MAP3K1: variants seen among roughly 807,000 people sequenced by gnomAD.
The protein encoded by MAP3K1 is MAP/ERK kinase kinase 1.
MAP3K1 carries 36 observed loss-of-function variants against 144.2 expected under a neutral mutation model. The observed-to-expected ratio is 0.25, with a 90% confidence interval of 0.19 to 0.33. The LOEUF (loss-of-function observed/expected upper bound fraction) is 0.33. Ranked by LOEUF, MAP3K1 falls within the 10% of genes least tolerant of loss-of-function variation. MAP3K1 has a pLI of 1.00. For missense variants in MAP3K1, 1,650 were observed against 1,881.9 expected (o/e 0.88, Z 2.28); for synonymous variants, 718 against 688.7 (o/e 1.04, Z -0.67).
chr5:56,832,796 G>A (rs1442371832), intron 1 of MAP3K1, among the ~76,000 whole-genome samples: 1 of 152,180 alleles, frequency 6.6e-6, no homozygotes, highest in Admixed American at 6.5e-5. Context: ...ATGTAGTGAT[G>A]ACTTTTTAAA....
rs762437753 is a variant in MAP3K1 at position 56,885,910 on chromosome 5, A to G, written c.3983-22A>G. ...TTTAATTCTGTCTTAAGTTTATGAT[A>G]ATTATTTCTATTGTCTTATAGGGGG... On this transcript the variant is annotated intron_variant, in intron 16 of 19. Transcript: ENST00000399503. The G allele has an allele frequency of 1.9e-6, 3 of 1,607,770 alleles. No homozygotes were observed. In the Admixed American group the frequency reaches 5.0e-5, roughly 27 times the overall value.
chr5:56,822,550 C>T (rs1374702075), intron 1 of MAP3K1, among the ~76,000 whole-genome samples: 1 of 152,298 alleles, frequency 6.6e-6, no homozygotes, highest in East Asian at 1.9e-4. Flanking sequence ...TTAACCATGA[C>T]ACTTCTTCCG....
intron 6 of MAP3K1, among the ~76,000 whole-genome samples, chr5:56,868,389 C>CT (rs1401541568): frequency 1.3e-5 from 2 of 151,918 alleles, no homozygotes; most frequent in African/African-American, 4.8e-5. Context: ...TTCTTTCTTT[C>CT]TTTTCTCTTT....
At chr5:56,817,549 G>A (rs1344833308) in intron 1 of MAP3K1, among the ~76,000 whole-genome samples, 2 of 152,188 alleles carry the variant, frequency 1.3e-5, no homozygotes, top group East Asian at 3.8e-4. Context: ...GACCAAAGGA[G>A]ATTTGTGACT....
intron 14 of MAP3K1, 119 bp downstream of exon 14, chr5:56,882,985 T>C: frequency 2.6e-6 from 2 of 781,932 alleles, no homozygotes; most frequent in Non-Finnish European, 4.1e-6. Context: ...GCACAGGAGT[T>C]CGAAACTAGC....
chr5:56,864,616 G>A (rs12657005), intron 3 of MAP3K1, 118 bp from the exon 4 acceptor site: 404 of 987,888 alleles, frequency 4.1e-4, no homozygotes, highest in Non-Finnish European at 3.2e-4. Context: ...CTCATGATCC[G>A]CCCTCCTCGG....
At position 56,864,722 on chromosome 5, in the gene MAP3K1, A is replaced by C; in HGVS notation, c.835-12A>C. The stretch of plus-strand genomic sequence containing the variant: ...ATGAGAAACGTACCTAATAAAAAAA[A>C]ATGTTGTGAAGTTTCAGAGTGGCAG... On this transcript the variant is annotated splice_polypyrimidine_tract_variant and intron_variant, in intron 3 of 19. Transcript: ENST00000399503. 6.2e-7 allele frequency: 1 copy of C among 1,613,922 alleles called. No homozygotes were observed. Among genetic ancestry groups the C allele is most frequent in the Non-Finnish European group, 8.5e-7 (1 of 1,179,856 alleles).
intron 1 of MAP3K1, among the ~76,000 whole-genome samples, chr5:56,828,169 T>A (rs1354411250): frequency 6.6e-6 from 1 of 152,140 alleles, no homozygotes; most frequent in African/African-American, 2.4e-5. Context: ...AGATAATACA[T>A]CATCTTGATA....
At chr5:56,835,698 G>C (rs1746633227) in intron 1 of MAP3K1, among the ~76,000 whole-genome samples, 1 of 151,850 alleles carries the variant, frequency 6.6e-6, no homozygotes, top group Admixed American at 6.6e-5. Flanking sequence ...TTTGGGGTTT[G>C]GTGGTTTTTT....
In MAP3K1 at chr5:56,873,005, G is replaced by A. The variant is rs1429094707; in HGVS notation, c.1686G>A (p.Gln562=). The change falls in exon 9 of 20, where the codon CAG becomes CAA. Residue 562 remains glutamine (Q), a splice_region_variant and synonymous_variant. Transcript: ENST00000399503. ...AYKDLAEPWI[Q]VFGMELVGCL... is the part of the protein sequence containing the mutation. ...AAGATTTAGCTGAGCCATGGATTCA[G>A]GTAAGTAGTTCTTTGTTTTTCATTT... 6.2e-7 allele frequency: 1 copy of A among 1,613,154 alleles called. No individual in the cohort carries two copies. The highest frequency in any genetic ancestry group is 2.2e-5 in the East Asian group (1 of 44,836).
At chr5:56,873,058 AT>A in intron 9 of MAP3K1, 53 bp downstream of exon 9, 2 of 1,503,934 alleles carry the variant, frequency 1.3e-6, no homozygotes, top group Non-Finnish European at 1.8e-6. Context: ...AGATCAATTA[AT>A]GTATTTGTCT....
chr5:56,855,989 A>C (rs901708729), intron 1 of MAP3K1, among the ~76,000 whole-genome samples: 1 of 152,152 alleles, frequency 6.6e-6, no homozygotes, highest in East Asian at 1.9e-4. Context: ...AGATTGTTTT[A>C]TTCTGGTAAA....
intron 1 of MAP3K1, among the ~76,000 whole-genome samples, chr5:56,824,946 TA>T (rs1339327623): frequency 1.3e-5 from 2 of 151,254 alleles, no homozygotes; most frequent in Admixed American, 6.6e-5. Context: ...AAAAAATTTT[TA>T]TTTTTTTTTT....
chr5:56,849,140 G>C (rs1279449577), intron 1 of MAP3K1, among the ~76,000 whole-genome samples: 2 of 152,128 alleles, frequency 1.3e-5, no homozygotes, highest in East Asian at 3.9e-4. Flanking sequence ...TTGAGCTCAG[G>C]AGTTCAAGGC....
intron 19 of MAP3K1, among the ~76,000 whole-genome samples, chr5:56,889,840 AGCTCCACCT>A (rs1156476928): frequency 6.6e-6 from 1 of 152,152 alleles, no homozygotes; most frequent in East Asian, 1.9e-4. Context: ...CCACACAGTC[AGCTCCACCT>A]GCCATAACCT....
At chr5:56,883,009 C>G in intron 14 of MAP3K1, 143 bp downstream of exon 14, 1 of 681,208 alleles carries the variant, frequency 1.5e-6, no homozygotes, top group Non-Finnish European at 2.5e-6. Flanking sequence ...GTCAACAAAG[C>G]AAGACCCTGT....
At position 56,881,653 on chromosome 5, in the gene MAP3K1, G is replaced by C; in HGVS notation, c.2453G>C (p.Arg818Thr). The C allele has an allele frequency of 2.5e-6, 4 of 1,614,036 alleles. No homozygotes were observed. Among genetic ancestry groups the C allele is most frequent in the Admixed American group, 1.7e-5 (1 of 59,994 alleles). ...TCAATGGTTGGCAAACTTTCCAGAAGGATCTACTTGAGTTCTGCAAGAATG... is the reference window on the plus strand; with the variant it reads ...TCAATGGTTGGCAAACTTTCCAGAACGATCTACTTGAGTTCTGCAAGAATG... ...SHSMVGKLSR[R>T]IYLSSARMVT... The change falls in exon 14 of 20, where the codon AGG (arginine) becomes ACG (threonine). Residue 818 changes from arginine to threonine, a missense_variant. Around this residue, in one of 6 missense-constraint regions of MAP3K1, gnomAD observed 841 missense variants for 886.5 expected, o/e 0.95. Coordinates refer to ENST00000399503, the MANE Select transcript of MAP3K1 (RefSeq NM_005921.2).
chr5:56,840,319 T>G (rs1746775034), intron 1 of MAP3K1, among the ~76,000 whole-genome samples: 1 of 152,118 alleles, frequency 6.6e-6, no homozygotes, highest in Non-Finnish European at 1.5e-5. Flanking sequence ...GGCTAATTTT[T>G]GTATTTTTAG....
chr5:56,887,311 A>G, intron 17 of MAP3K1, 67 bp from the exon 18 acceptor site: 1 of 1,471,846 alleles, frequency 6.8e-7, no homozygotes, highest in Non-Finnish European at 9.5e-7. Context: ...TTAGTATTGT[A>G]CTGGGCTTTT....
Sources: gnomAD v4.1 joint callset for allele counts (sites outside exome capture counted in the v4.1 genomes callset) on GRCh38, gnomAD v4.1.1 for gene constraint, gnomAD v4.1.1 regional missense constraint, MANE v1.5 for transcripts, NCBI Gene and HGNC (gene_info 2026-07-23, HGNC 2026-07-21) for gene names.